CSMD1: variants seen among roughly 807,000 people sequenced by gnomAD.
CSMD1 encodes CUB and sushi domain-containing protein 1.
Under a neutral mutation model 417.5 loss-of-function variants are expected in CSMD1, and 213 were observed. That is an observed-to-expected ratio of 0.51 (90% CI 0.46 to 0.57). The LOEUF (loss-of-function observed/expected upper bound fraction) is 0.57, where lower values mean the gene tolerates loss of function less well. Ranked by LOEUF, CSMD1 falls within the 20% of genes least tolerant of loss-of-function variation. The pLI is 0.00. For synonymous variants in CSMD1, 2,862 were observed against 1,736.8 expected (o/e 1.65, Z -16.11); for missense variants, 6,923 against 4,529.7 (o/e 1.53, Z -15.17).
intron 7 of CSMD1, among the ~76,000 whole-genome samples, chr8:3,650,613 T>C (rs1368599701): frequency 6.6e-6 from 1 of 152,168 alleles, no homozygotes; most frequent in Non-Finnish European, 1.5e-5. Flanking sequence ...GCCATGAATG[T>C]ACTGAGCTCC....
chr8:3,471,647 C>T (rs1204050420), intron 11 of CSMD1, among the ~76,000 whole-genome samples: 1 of 140,558 alleles, frequency 7.1e-6, no homozygotes, highest in African/African-American at 2.6e-5. Flanking sequence ...CCTTCTTCCT[C>T]TCTCCTTCCT....
intron 1 of CSMD1, among the ~76,000 whole-genome samples, chr8:4,975,917 T>A (rs919878071): frequency 6.6e-6 from 1 of 152,358 alleles, no homozygotes; most frequent in African/African-American, 2.4e-5. Flanking sequence ...GTTGCTCACA[T>A]TGGCCATATG....
chr8:3,364,873 A>G (rs953789250), intron 20 of CSMD1, among the ~76,000 whole-genome samples: 1 of 152,326 alleles, frequency 6.6e-6, no homozygotes. Context: ...ACAGACTAAG[A>G]CAGTAGTCGT....
intron 3 of CSMD1, among the ~76,000 whole-genome samples, chr8:4,078,604 A>G (rs1043046941): frequency 5.4e-5 from 8 of 148,736 alleles, no homozygotes; most frequent in African/African-American, 2.0e-4. Flanking sequence ...GTTATGAAAT[A>G]TAATTTTTTT....
chr8:4,762,780 G>C (rs1267566458), intron 1 of CSMD1, among the ~76,000 whole-genome samples: 1 of 152,096 alleles, frequency 6.6e-6, no homozygotes, highest in African/African-American at 2.4e-5. Flanking sequence ...TGAGCTCTTT[G>C]AAATGAGGCC....
At chr8:4,963,117 A>G (rs1303130669) in intron 1 of CSMD1, among the ~76,000 whole-genome samples, 5 of 152,160 alleles carry the variant, frequency 3.3e-5, no homozygotes, top group African/African-American at 1.2e-4. Context: ...CTTATTTCCC[A>G]TGGGTGGCCC....
intron 10 of CSMD1, among the ~76,000 whole-genome samples, chr8:3,542,892 C>T (rs1045619855): frequency 1.3e-5 from 2 of 152,182 alleles, no homozygotes; most frequent in Non-Finnish European, 2.9e-5. Context: ...GCAAGTGGGG[C>T]TCATGCGGTG....
Position 3,000,008 on chromosome 8 carries a change from C to T in CSMD1, c.8153G>A (p.Arg2718Lys), listed in dbSNP as rs182199755. The T allele has an allele frequency of 4.4e-6, 7 of 1,608,614 alleles. No individual in the cohort carries two copies. The African/African-American group carries it at 9.5e-5, about 22-fold the overall frequency. The change falls in exon 53 of 70, where the codon AGG becomes AAG. Residue 2718 changes from arginine (R) to lysine (K), a missense_variant. Physicochemically the swap from Arg to Lys is conservative, Grantham distance 26 (BLOSUM62 2). Transcript: ENST00000635120. The stretch of plus-strand genomic sequence containing the variant: ...CCACTTGTGGTCTTGCAGGCATATC[C>T]TCACGGAAGTTCCCACAAGCCGGAA... ...PGFRLVGTSV[R>K]ICLQDHKWSG...
chr8:4,939,989 G>T (rs773889258), intron 1 of CSMD1, among the ~76,000 whole-genome samples: 1 of 152,042 alleles, frequency 6.6e-6, no homozygotes, highest in African/African-American at 2.4e-5. Flanking sequence ...TTCAGAGTAG[G>T]GTTATTGGGA....
intron 46 of CSMD1, among the ~76,000 whole-genome samples, chr8:3,098,742 T>C (rs1815517092): frequency 6.6e-6 from 1 of 152,210 alleles, no homozygotes; most frequent in Non-Finnish European, 1.5e-5. Context: ...TGTGTATATC[T>C]GTGCAGGCTA....
In CSMD1 at chr8:4,895,693, A is replaced by AT. The variant is rs201751414; in HGVS notation, c.85+98638dup. Among the ~76,000 whole-genome samples, 111 of 145,416 alleles carry AT rather than the reference A, an allele frequency of 7.6e-4. No individual in the cohort carries two copies. The South Asian group carries it at 0.01, about 14-fold the overall frequency. On this transcript the variant is annotated intron_variant, in intron 1 of 69. Transcript: ENST00000635120. ...TTGCTATCCACCTTCACCTTCCCTG[A>AT]TTTTTTTTTTTCTCCTCAGTCTTCA...
At chr8:3,524,538 C>A (rs968998841) in intron 10 of CSMD1, among the ~76,000 whole-genome samples, 3 of 151,118 alleles carry the variant, frequency 2.0e-5, no homozygotes, top group East Asian at 3.9e-4. Context: ...TACGCACACA[C>A]AAGCACACAC....
In CSMD1 at chr8:3,219,438, T is replaced by A; in HGVS notation, c.4489A>T (p.Asn1497Tyr). 1 of 1,478,564 alleles carries A rather than the reference T, an allele frequency of 6.8e-7. No homozygotes were observed. The highest frequency in any genetic ancestry group is 9.0e-7 in the Non-Finnish European group (1 of 1,113,708). The allele number at this position is 1,478,564 out of a possible 1,614,324, so 91.6% of individuals were successfully genotyped here. A position where few individuals can be genotyped will look rare whatever the true frequency, so the allele number is the denominator to read the frequency against. ...FVIALIFKSF[N>Y]MEPSYDFLHI... ...AGGAAGTCATAGCTGGGCTCCATGT[T>A]GAAACTAAAGAAAAGAATAGTAATT... The change falls in exon 29 of 70, where the codon AAC (asparagine) becomes TAC (tyrosine). Residue 1497 changes from asparagine to tyrosine, a missense_variant. By Grantham distance (143) the Asn-to-Tyr change is moderately radical. Coordinates refer to ENST00000635120, the MANE Select transcript of CSMD1 (RefSeq NM_033225.6).
intron 1 of CSMD1, among the ~76,000 whole-genome samples, chr8:4,820,450 A>G (rs17071583): frequency 6.6e-6 from 1 of 152,160 alleles, no homozygotes; most frequent in South Asian, 2.1e-4. Flanking sequence ...CCATTTCTGC[A>G]CTGGTTTTCC....
At chr8:3,772,345 A>G (rs146641549) in intron 5 of CSMD1, among the ~76,000 whole-genome samples, 32,959 of 68,782 alleles carry the variant, frequency 0.48, 8,987 homozygotes, top group Non-Finnish European at 0.55. Context: ...ACATACATAT[A>G]TACATATATT....
intron 5 of CSMD1, among the ~76,000 whole-genome samples, chr8:3,941,406 T>C (rs1316982199): frequency 6.6e-6 from 1 of 152,144 alleles, no homozygotes; most frequent in Non-Finnish European, 1.5e-5. Context: ...AAGTTTAAAA[T>C]TGTAAATATT....
At chr8:4,687,013 C>A (rs959652460) in intron 1 of CSMD1, among the ~76,000 whole-genome samples, 2 of 152,206 alleles carry the variant, frequency 1.3e-5, no homozygotes, top group Non-Finnish European at 2.9e-5. Flanking sequence ...TGGCACATGG[C>A]ACCAGCCAGC....
intron 1 of CSMD1, among the ~76,000 whole-genome samples, chr8:4,916,288 G>T (rs533817770): frequency 7.9e-5 from 12 of 152,296 alleles, no homozygotes; most frequent in African/African-American, 2.2e-4. Context: ...ATCACATCAA[G>T]AACTTGCTCT....
At chr8:3,144,895 C>G (rs919519867) in intron 40 of CSMD1, among the ~76,000 whole-genome samples, 5 of 151,886 alleles carry the variant, frequency 3.3e-5, no homozygotes, top group Non-Finnish European at 2.9e-5. Flanking sequence ...CCTGCTGTGA[C>G]AGCTGCGCTC....
Sources: gnomAD v4.1 joint callset for allele counts (sites outside exome capture counted in the v4.1 genomes callset) on GRCh38, gnomAD v4.1.1 for gene constraint, MANE v1.5 for transcripts, NCBI Gene and HGNC (gene_info 2026-07-23, HGNC 2026-07-21) for gene names.